The following MAF variants were observed in gnomAD, a reference collection of about 807,000 sequenced individuals.
MAF encodes transcription factor Maf.
In MAF, 10 loss-of-function variants were observed where a neutral mutation model predicts 22.0. That is an observed-to-expected ratio of 0.45 (90% confidence interval 0.28 to 0.77). The LOEUF is 0.77. Among genes scored for constraint, MAF ranks in the 30% least tolerant of loss-of-function variants. MAF has a pLI of 0.12. For synonymous variants in MAF, 337 were observed against 255.8 expected (o/e 1.32, Z -3.03); for missense variants, 544 against 548.4 (o/e 0.99, Z 0.08).
the MAF span, among the ~76,000 whole-genome samples, chr16:79,391,378 G>A: frequency 1.3e-5 from 2 of 152,210 alleles, no homozygotes; most frequent in African/African-American, 2.4e-5. Context: ...GCAAAGAGCC[G>A]AGTTATGAGG....
the MAF span, among the ~76,000 whole-genome samples, chr16:79,283,967 C>CAAA: frequency 0.026 from 3,007 of 115,434 alleles, 101 homozygotes; most frequent in Non-Finnish European, 0.039. Context: ...ACCTCCTCCT[C>CAAA]AAAAAAAAAA....
the MAF span, among the ~76,000 whole-genome samples, chr16:79,352,791 T>C: frequency 6.6e-6 from 1 of 152,122 alleles, no homozygotes; most frequent in African/African-American, 2.4e-5. Flanking sequence ...GATGTTTAGC[T>C]AGATGCCAGT....
the MAF span, among the ~76,000 whole-genome samples, chr16:79,261,437 G>A: frequency 6.6e-6 from 1 of 152,198 alleles, no homozygotes; most frequent in Non-Finnish European, 1.5e-5. Flanking sequence ...ACGGGCATGA[G>A]CCACCACGCC....
At chr16:79,365,830 T>C in the MAF span, among the ~76,000 whole-genome samples, 5 of 152,240 alleles carry the variant, frequency 3.3e-5, no homozygotes, top group African/African-American at 9.6e-5. Flanking sequence ...TTATTCAACA[T>C]GCACTGCTTC....
At chr16:79,285,533 A>G in the MAF span, among the ~76,000 whole-genome samples, 267 of 152,292 alleles carry the variant, frequency 1.8e-3, 2 homozygotes, top group African/African-American at 5.9e-3. Flanking sequence ...TGCAAAACGC[A>G]AGCTCCTGAC....
the MAF span, among the ~76,000 whole-genome samples, chr16:79,277,712 A>C: frequency 6.6e-6 from 1 of 152,210 alleles, no homozygotes; most frequent in Non-Finnish European, 1.5e-5. Flanking sequence ...GGAGTTACCT[A>C]ATCCCCCTGA....
At chr16:79,524,290 T>C in the MAF span, among the ~76,000 whole-genome samples, 13,871 of 152,272 alleles carry the variant, frequency 0.091, 658 homozygotes, top group South Asian at 0.12. Context: ...AATACCTTCT[T>C]GCTCAGATTG....
intron 1 of MAF, chr16:79,594,831 C>T: frequency 2.4e-6 from 3 of 1,244,322 alleles, no homozygotes; most frequent in South Asian, 2.0e-5. Flanking sequence ...GCCACTCAAA[C>T]CTCATTTTTG....
At chr16:79,565,516 G>T in the MAF span, among the ~76,000 whole-genome samples, 1 of 151,618 alleles carries the variant, frequency 6.6e-6, no homozygotes, top group African/African-American at 2.4e-5. Context: ...TGGGGGGGGG[G>T]ACCAGTTGGG....
chr16:79,557,652 G>C, the MAF span, among the ~76,000 whole-genome samples: 3 of 152,158 alleles, frequency 2.0e-5, no homozygotes, highest in African/African-American at 7.2e-5. Flanking sequence ...GATTAAGTGG[G>C]ATGACCTGTG....
At chr16:79,537,296 T>A in the MAF span, among the ~76,000 whole-genome samples, 2,141 of 152,322 alleles carry the variant, frequency 0.014, 26 homozygotes, top group Non-Finnish European at 0.021. Flanking sequence ...AAATACACAT[T>A]GATACTGATG....
At chr16:79,479,171 A>G in the MAF span, among the ~76,000 whole-genome samples, 32 of 151,924 alleles carry the variant, frequency 2.1e-4, no homozygotes, top group African/African-American at 7.7e-4. Flanking sequence ...ATCCCATCTT[A>G]ATGTGCTCGT....
At chr16:79,442,985 A>G in the MAF span, among the ~76,000 whole-genome samples, 4 of 152,224 alleles carry the variant, frequency 2.6e-5, no homozygotes, top group African/African-American at 9.6e-5. Flanking sequence ...GTTAGTGTGT[A>G]TGTCCCTGTC....
the MAF span, among the ~76,000 whole-genome samples, chr16:79,471,481 T>C: frequency 6.6e-6 from 1 of 152,264 alleles, no homozygotes; most frequent in South Asian, 2.1e-4. Flanking sequence ...AACATGTCTT[T>C]TGTAAAGACA....
chr16:79,226,527 A>C, the MAF span, among the ~76,000 whole-genome samples: 1 of 152,028 alleles, frequency 6.6e-6, no homozygotes, highest in Non-Finnish European at 1.5e-5. Flanking sequence ...AAAGTATATA[A>C]AAAAATTTAA....
At chr16:79,596,360 T>C (rs1035599383) in intron 1 of MAF, 3 of 1,059,022 alleles carry the variant, frequency 2.8e-6, no homozygotes, top group Admixed American at 5.4e-5. Flanking sequence ...AATTTCACCC[T>C]GAATTACTGT....
At chr16:79,302,281 A>C in the MAF span, among the ~76,000 whole-genome samples, 1 of 152,248 alleles carries the variant, frequency 6.6e-6, no homozygotes, top group Admixed American at 6.5e-5. Flanking sequence ...GTTCTGGTTG[A>C]CTTTAAAGCA....
the MAF span, among the ~76,000 whole-genome samples, chr16:79,494,159 G>A: frequency 6.6e-6 from 1 of 152,146 alleles, no homozygotes; most frequent in African/African-American, 2.4e-5. Flanking sequence ...ACTTTGTGGT[G>A]AAAAGCAACA....
Position 79,600,109 on chromosome 16 carries a change from C to T in MAF, c.-207G>A. 1.7e-6 allele frequency: 1 copy of T among 583,930 alleles called. No homozygotes were observed. The highest frequency in any genetic ancestry group is 2.0e-5 in the African/African-American group (1 of 49,878). 36.2% of individuals were successfully genotyped at this position (583,930 alleles called of 1,614,324 possible). A position where few individuals can be genotyped will look rare whatever the true frequency, so the allele number is the denominator to read the frequency against. On this transcript the variant is annotated 5_prime_UTR_variant, in exon 1 of 2. Coordinates refer to ENST00000326043, the MANE Select transcript of MAF (RefSeq NM_005360.5). ...TGCCCGCGCCCCCCGCGCCCGCCCT[C>T]CCTCCCCCCTGCTCACGCCAATGTG...
Sources: allele counts gnomAD v4.1 joint callset (sites outside exome capture counted in the v4.1 genomes callset), GRCh38; gene constraint gnomAD v4.1.1; transcripts MANE v1.5; gene names NCBI Gene and HGNC (gene_info 2026-07-23, HGNC 2026-07-21).